HERC2: variants seen among roughly 807,000 people sequenced by gnomAD.
The protein encoded by HERC2 is E3 ubiquitin-protein ligase HERC2.
A neutral mutation model predicts 537.7 loss-of-function variants in HERC2; 102 were observed. That is an observed-to-expected ratio of 0.19 (90% CI 0.16 to 0.22). The LOEUF (loss-of-function observed/expected upper bound fraction) is 0.22. HERC2 is among the 10% of genes least tolerant of loss of function. HERC2 has a pLI of 1.00. For missense variants in HERC2, 4,236 were observed against 6,198.2 expected (o/e 0.68, Z 10.63); for synonymous variants, 2,224 against 2,466.2 (o/e 0.90, Z 2.91).
chr15:28,307,489 G>T (rs1287256844), intron 2 of HERC2, among the ~76,000 whole-genome samples: 4 of 151,926 alleles, frequency 2.6e-5, no homozygotes, highest in Non-Finnish European at 5.9e-5. Context: ...CTACTTTTTT[G>T]ATTTTCCTCT....
chr15:28,145,548 C>T (rs1891648471), intron 71 of HERC2, among the ~76,000 whole-genome samples: 1 of 152,216 alleles, frequency 6.6e-6, no homozygotes, highest in Non-Finnish European at 1.5e-5. Context: ...TCATGCAAAG[C>T]TTTACTTAAC....
intron 69 of HERC2, among the ~76,000 whole-genome samples, chr15:28,158,775 C>A (rs1893278063): frequency 6.6e-6 from 1 of 152,180 alleles, no homozygotes; most frequent in African/African-American, 2.4e-5. Context: ...TTGATCCTGT[C>A]ATTATGATGT....
chr15:28,274,910 C>T lies in HERC2; in HGVS notation c.638G>A (p.Arg213Gln). 6.2e-7 allele frequency: 1 copy of T among 1,610,678 alleles called. No homozygotes were observed. Among genetic ancestry groups the T allele is most frequent in the East Asian group, 2.2e-5 (1 of 44,846 alleles). ...FAFAFLRRAW[R>Q]SGEDADLCSE... ...CGCCACACCAGGGACCGTACCTGAT[C>T]GCCAGGCCCTGCGCAGGAAGGCAAA... The change falls in exon 6 of 93, where the codon CGA becomes CAA. Residue 213 changes from arginine (R) to glutamine (Q), a missense_variant. Arg to Gln is a conservative substitution (Grantham distance 43). Around this residue, in one of 27 missense-constraint regions of HERC2, gnomAD observed 491 missense variants for 559.3 expected, o/e 0.88. Coordinates refer to ENST00000261609, the MANE Select transcript of HERC2 (RefSeq NM_004667.6).
chr15:28,232,775 A>T (rs1902017704), intron 30 of HERC2, among the ~76,000 whole-genome samples: 1 of 152,222 alleles, frequency 6.6e-6, no homozygotes, highest in Non-Finnish European at 1.5e-5. Context: ...ATTTCCAAAC[A>T]AAAAACATTT....
rs528625234 is a variant in HERC2 at position 28,218,682 on chromosome 15, T to A, written c.5846-11A>T. On this transcript the variant is annotated splice_polypyrimidine_tract_variant and intron_variant, in intron 37 of 92. Coordinates refer to ENST00000261609, the MANE Select transcript of HERC2 (RefSeq NM_004667.6). Reference sequence around the variant, plus strand: ...CAGTTTGTTCGGCTTCTAAAAAAAATAATCAAAATTACAAATTATATTCCC... The same window carrying A: ...CAGTTTGTTCGGCTTCTAAAAAAAAAAATCAAAATTACAAATTATATTCCC... 1.1e-4 allele frequency: 176 copies of A among 1,559,120 alleles called. 1 individual carries two copies. The South Asian group carries it at 1.8e-3, about 16-fold the overall frequency.
chr15:28,136,231 T>C (rs930010739), intron 78 of HERC2, among the ~76,000 whole-genome samples: 2 of 152,176 alleles, frequency 1.3e-5, no homozygotes, highest in African/African-American at 4.8e-5. Flanking sequence ...TAAATCAGAC[T>C]GCCGTTTTCC....
Position 28,211,533 on chromosome 15 carries a change from A to C in HERC2, c.6926-388T>G, listed in dbSNP as rs150862359. On this transcript the variant is annotated intron_variant, in intron 43 of 92. Coordinates refer to ENST00000261609, the MANE Select transcript of HERC2 (RefSeq NM_004667.6). Reference sequence around the variant, plus strand: ...ATCTGTCAGCCCCACTAGCTCTTTAACTGATGAAGATGGCAGCAATGCCCA... The same window carrying C: ...ATCTGTCAGCCCCACTAGCTCTTTACCTGATGAAGATGGCAGCAATGCCCA... Among the ~76,000 whole-genome samples the C allele has an allele frequency of 4.0e-3, 614 of 152,250 alleles. 9 individuals carry two copies. Among genetic ancestry groups the C allele is most frequent in the African/African-American group, 0.014 (588 of 41,518 alleles).
intron 2 of HERC2, among the ~76,000 whole-genome samples, chr15:28,301,017 C>T (rs57175487): frequency 0.023 from 3,504 of 150,740 alleles, 120 homozygotes; most frequent in African/African-American, 0.073. Context: ...TTTGGTCTCT[C>T]AGAACCATTT....
At chr15:28,301,064 T>C (rs1056872714) in intron 2 of HERC2, among the ~76,000 whole-genome samples, 1 of 151,808 alleles carries the variant, frequency 6.6e-6, no homozygotes, top group Admixed American at 6.6e-5. Flanking sequence ...GGAAAATAAG[T>C]AGATTCAAGG....
intron 69 of HERC2, among the ~76,000 whole-genome samples, chr15:28,157,064 A>G (rs1412494218): frequency 6.6e-6 from 1 of 152,216 alleles, no homozygotes; most frequent in East Asian, 1.9e-4. Flanking sequence ...TGATTTGCAT[A>G]TGTTGAATCA....
Position 28,168,525 on chromosome 15 carries a change from G to A in HERC2, c.10295C>T (p.Ser3432Phe), listed in dbSNP as rs755672294. 9.3e-6 allele frequency: 15 copies of A among 1,614,092 alleles called. 1 individual carries two copies. In the Admixed American group the frequency reaches 1.0e-4, roughly 11 times the overall value. ...AGATGCGTCGGAAGGGGCCGCCGAG[G>A]AGAACGAGGGGCACTCCACCGGGGC... ...MIAPVECPSF[S>F]SAAPSDASAM... The change falls in exon 67 of 93, where the codon TCC becomes TTC. Residue 3432 changes from serine (S) to phenylalanine (F), a missense_variant. Ser to Phe is a radical substitution (Grantham distance 155). Around this residue, in one of 27 missense-constraint regions of HERC2, gnomAD observed 356 missense variants for 450.9 expected, o/e 0.79. Coordinates refer to ENST00000261609, the MANE Select transcript of HERC2 (RefSeq NM_004667.6).
intron 69 of HERC2, among the ~76,000 whole-genome samples, chr15:28,154,256 T>C (rs1892759796): frequency 1.3e-5 from 2 of 152,232 alleles, no homozygotes; most frequent in Admixed American, 1.3e-4. Flanking sequence ...ATTCCTCATA[T>C]TTAGGTAAGA....
At position 28,214,120 on chromosome 15, in the gene HERC2, G is replaced by A. The variant is rs1899591260; in HGVS notation, c.6511C>T (p.Leu2171Phe). The A allele has an allele frequency of 6.2e-7, 1 of 1,614,078 alleles. No individual in the cohort carries two copies. The highest frequency in any genetic ancestry group is 1.3e-5 in the African/African-American group (1 of 74,940). ...ACAAAGCTGTGGGTGATGGAGCGGAGCTGGGAGTTGATGTACTTGTTGATG... is the reference window on the plus strand; with the variant it reads ...ACAAAGCTGTGGGTGATGGAGCGGAACTGGGAGTTGATGTACTTGTTGATG... ...GLINKYINSQ[L>F]RSITHSFVGR... Residue 2171 changes from leucine to phenylalanine, a missense_variant, in exon 41 of 93, where the codon CTC (leucine) becomes TTC (phenylalanine). By Grantham distance (22) the Leu-to-Phe change is conservative. Transcript: ENST00000261609.
intron 39 of HERC2, among the ~76,000 whole-genome samples, chr15:28,215,230 T>G (rs1899766753): frequency 6.6e-6 from 1 of 152,210 alleles, no homozygotes; most frequent in Non-Finnish European, 1.5e-5. Flanking sequence ...ATTTTGAGAT[T>G]CATTATTTTA....
At chr15:28,187,080 TTAACTAAGGAAGA>T (rs1337064686) in intron 55 of HERC2, among the ~76,000 whole-genome samples, 1 of 152,186 alleles carries the variant, frequency 6.6e-6, no homozygotes, top group Non-Finnish European at 1.5e-5. Context: ...CCAAGATGCT[TTAACTAAGGAAGA>T]TATTAAATGT....
intron 44 of HERC2, among the ~76,000 whole-genome samples, chr15:28,209,325 A>T (rs371359891): frequency 1.3e-5 from 2 of 152,064 alleles, no homozygotes; most frequent in East Asian, 1.9e-4. Flanking sequence ...AACTATTTAC[A>T]TATCATTTAT....
intron 78 of HERC2, among the ~76,000 whole-genome samples, chr15:28,140,959 C>T (rs942851907): frequency 2.6e-5 from 4 of 151,288 alleles, no homozygotes; most frequent in Admixed American, 6.6e-5. Context: ...ATAAATTGGC[C>T]GGGCGTGGTG....
chr15:28,247,278 G>T (rs1903798329), intron 21 of HERC2, among the ~76,000 whole-genome samples: 1 of 151,538 alleles, frequency 6.6e-6, no homozygotes, highest in African/African-American at 2.4e-5. Flanking sequence ...CTACAGGCAT[G>T]CACTACCACA....
At chr15:28,201,324 G>C in intron 48 of HERC2, 132 bp downstream of exon 48, 1 of 658,748 alleles carries the variant, frequency 1.5e-6, no homozygotes, top group Non-Finnish European at 2.8e-6. Flanking sequence ...GGTCAGGTAT[G>C]TCTTCCAGCA....
Sources: allele counts gnomAD v4.1 joint callset (sites outside exome capture counted in the v4.1 genomes callset), GRCh38; gene constraint gnomAD v4.1.1; regional missense constraint gnomAD v4.1.1; transcripts MANE v1.5; gene names NCBI Gene and HGNC (gene_info 2026-07-23, HGNC 2026-07-21).